CHRNB1: variants seen among roughly 807,000 people sequenced by gnomAD.
CHRNB1 encodes the protein acetylcholine receptor subunit beta.
In CHRNB1, 47 loss-of-function variants were observed where a neutral mutation model predicts 53.8. The ratio of observed to expected loss-of-function variants is 0.87; its 90% CI spans 0.69 to 1.11. The LOEUF is 1.11. Among genes scored for constraint, CHRNB1 ranks in the 50% most tolerant of loss-of-function variants. CHRNB1 has a pLI of 0.00. For missense variants in CHRNB1, 605 were observed against 654.9 expected (o/e 0.92, Z 0.83); for synonymous variants, 259 against 263.5 (o/e 0.98, Z 0.16).
At chr17:7,446,509 A>G in intron 3 of CHRNB1, 2 of 522,190 alleles carry the variant, frequency 3.8e-6, no homozygotes, top group Non-Finnish European at 6.9e-6. Flanking sequence ...AATTTTTGAA[A>G]CACTGGTTTG....
At chr17:7,454,184 G>C (rs1263380727) in intron 7 of CHRNB1, 113 bp from the exon 8 acceptor site, 2 of 925,766 alleles carry the variant, frequency 2.2e-6, no homozygotes, top group Non-Finnish European at 3.5e-6. Flanking sequence ...GAACCACTGT[G>C]CCTGGCTGTA....
rs1255934538 is a variant in CHRNB1 at position 7,457,112 on chromosome 17, G to GT, written c.*392dup. ...GCGGGCGGATCACCTGAGGTCGGGA[G>GT]TTTGAGACCAGCCCGACCAACATGG... is the stretch of plus-strand genomic sequence containing the variant. On this transcript the variant is annotated 3_prime_UTR_variant, in exon 11 of 11. Coordinates refer to ENST00000306071, the MANE Select transcript of CHRNB1 (RefSeq NM_000747.3). 4.0e-6 allele frequency: 1 copy of GT among 248,180 alleles called. No individual in the cohort carries two copies. Among genetic ancestry groups the GT allele is most frequent in the Non-Finnish European group, 8.1e-6 (1 of 123,394 alleles). The allele number at this position is 248,180 out of a possible 1,614,324, so 15.4% of individuals were successfully genotyped here.
chr17:7,454,530 A>T lies in CHRNB1; in HGVS notation c.1044+10A>T. ...CCTTTGGGTCCGTCAGGTAAGAAAG[A>T]TCTCCTCCTCCAACCCCAATTTTCC... is the stretch of plus-strand genomic sequence containing the variant. On this transcript the variant is annotated intron_variant, in intron 8 of 10. Coordinates refer to ENST00000306071, the MANE Select transcript of CHRNB1 (RefSeq NM_000747.3). 6.2e-7 allele frequency: 1 copy of T among 1,610,954 alleles called. No individual in the cohort carries two copies.
chr17:7,445,651 G>T lies in CHRNB1; in HGVS notation c.198+242G>T. On this transcript the variant is annotated intron_variant, in intron 2 of 10. Coordinates refer to ENST00000306071, the MANE Select transcript of CHRNB1 (RefSeq NM_000747.3). This position sits in a 1 kb window ranked among gnomAD's most constrained non-coding sequence, Gnocchi z 5.7. ...GACGGACCTGTGATCGGACCTTAAA[G>T]TGGGGCTGGGGACGAGGCAGGGGCT... 7.1e-7 allele frequency: 1 copy of T among 1,408,094 alleles called. No individual in the cohort carries two copies. 87.2% of individuals were successfully genotyped at this position (1,408,094 alleles called of 1,614,324 possible). A position where few individuals can be genotyped will look rare whatever the true frequency, so the allele number is the denominator to read the frequency against.
intron 10 of CHRNB1, 128 bp from the exon 11 acceptor site, chr17:7,456,455 T>C: frequency 8.3e-7 from 1 of 1,200,200 alleles, no homozygotes; most frequent in African/African-American, 1.5e-5. Context: ...CGCTCTCCTG[T>C]TGGCGCTGCC....
rs778554684 is a variant in CHRNB1 at position 7,455,749 on chromosome 17, C to A, written c.1218-45C>A. ...TGGAGCGGGGCCTGGGTCGCCGGCA[C>A]TGGCTGTCTTTGCGTTTGGGCGTGG... On this transcript the variant is annotated intron_variant, in intron 9 of 10. Coordinates refer to ENST00000306071, the MANE Select transcript of CHRNB1 (RefSeq NM_000747.3). 4 of 1,613,946 alleles carry A rather than the reference C, an allele frequency of 2.5e-6. No homozygotes were observed. The Admixed American group carries it at 6.7e-5, about 27-fold the overall frequency.
chr17:7,455,994 C>T, intron 10 of CHRNB1, 53 bp downstream of exon 10: 1 of 1,566,224 alleles, frequency 6.4e-7, no homozygotes, highest in East Asian at 2.3e-5. Context: ...TTGGCCCCAC[C>T]CCCAAATTCC....
chr17:7,450,179 C>T (rs1339206859), intron 7 of CHRNB1, among the ~76,000 whole-genome samples: 2 of 150,670 alleles, frequency 1.3e-5, no homozygotes, highest in Admixed American at 6.6e-5. Flanking sequence ...AGTTTTGCCC[C>T]GTTGCCCAGG....
rs1323863057 is a variant in CHRNB1, at chr17:7,455,785, C to T, written c.1218-9C>T. 6.2e-7 allele frequency: 1 copy of T among 1,614,214 alleles called. No individual in the cohort carries two copies. ...TGCGTTTGGGCGTGGCCAGTCACTC[C>T]TCTTCCAGGTTCCAGCCTGAACTGT... On this transcript the variant is annotated splice_polypyrimidine_tract_variant and intron_variant, in intron 9 of 10. Transcript: ENST00000306071.
At chr17:7,446,298 C>T (rs1908608167) in intron 3 of CHRNB1, 185 bp downstream of exon 3, 3 of 549,116 alleles carry the variant, frequency 5.5e-6, no homozygotes, top group Admixed American at 2.6e-5. Flanking sequence ...TTTTTAATTC[C>T]AATTTTGTGT....
chr17:7,445,526 T>A lies in CHRNB1; in HGVS notation c.198+117T>A. 1 of 1,531,502 alleles carries A rather than the reference T, an allele frequency of 6.5e-7. No homozygotes were observed. The highest frequency in any genetic ancestry group is 8.7e-7 in the Non-Finnish European group (1 of 1,143,306). The allele number at this position is 1,531,502 out of a possible 1,614,324, so 94.9% of individuals were successfully genotyped here. A position where few individuals can be genotyped will look rare whatever the true frequency, so the allele number is the denominator to read the frequency against. On this transcript the variant is annotated intron_variant, in intron 2 of 10. Coordinates refer to ENST00000306071, the MANE Select transcript of CHRNB1 (RefSeq NM_000747.3). The surrounding 1 kb of genome is among the most constrained non-coding windows in gnomAD (Gnocchi z 5.7). ...GGCCTGGGACGAGACCAGGCTGAGA[T>A]GGACCAGCCTTTGGTGAAGATTGGA...
intron 10 of CHRNB1, 108 bp downstream of exon 10, chr17:7,456,049 CTTTTTTTTTTTTT>C (rs528936191): frequency 0.012 from 5,933 of 514,302 alleles, 6 homozygotes; most frequent in Non-Finnish European, 0.015. Flanking sequence ...TTTTTTTTGG[CTTTTTTTTTTTTT>C]TTTTTTTTTT....
At chr17:7,449,528 C>T (rs929094710) in intron 7 of CHRNB1, among the ~76,000 whole-genome samples, 1 of 151,432 alleles carries the variant, frequency 6.6e-6, no homozygotes, top group African/African-American at 2.4e-5. Flanking sequence ...CCACCTCAGC[C>T]TCCTGTGTAA....
chr17:7,451,052 A>T (rs1352564624), intron 7 of CHRNB1, among the ~76,000 whole-genome samples: 1 of 152,100 alleles, frequency 6.6e-6, no homozygotes, highest in African/African-American at 2.4e-5. Flanking sequence ...AAGCAGTAGG[A>T]GATGAAGTCA....
At position 7,454,435 on chromosome 17, in the gene CHRNB1, C is replaced by T. The variant is rs761535567; in HGVS notation, c.959C>T (p.Thr320Ile). 3 of 1,614,110 alleles carry T rather than the reference C, an allele frequency of 1.9e-6. No homozygotes were observed. Among genetic ancestry groups the T allele is most frequent in the South Asian group, 2.2e-5 (2 of 91,084 alleles). Reference sequence around the variant, plus strand: ...CTCATGTTTACCATGGTCCTCGTCACCTTCTCAGTCATCCTTAGTGTCGTG... The same window carrying T: ...CTCATGTTTACCATGGTCCTCGTCATCTTCTCAGTCATCCTTAGTGTCGTG... ...KYLMFTMVLV[T>I]FSVILSVVVL... The change falls in exon 8 of 11, where the codon ACC becomes ATC. Residue 320 changes from threonine to isoleucine, a missense_variant. Coordinates refer to ENST00000306071, the MANE Select transcript of CHRNB1 (RefSeq NM_000747.3).
chr17:7,457,012 T>G lies in CHRNB1; in HGVS notation c.*289T>G. 1 of 426,718 alleles carries G rather than the reference T, an allele frequency of 2.3e-6. No individual in the cohort carries two copies. Among genetic ancestry groups the G allele is most frequent in the Admixed American group, 3.6e-5 (1 of 27,574 alleles). 26.4% of individuals were successfully genotyped at this position (426,718 alleles called of 1,614,324 possible). ...CAGAACAGGAACTAGATTATAAGCC[T>G]TATGAGGTCAAGAAATGTGACTTGG... On this transcript the variant is annotated 3_prime_UTR_variant, in exon 11 of 11. Transcript: ENST00000306071.
rs1457661521 is a variant in CHRNB1 at position 7,455,184 on chromosome 17, TCA to T, written c.1045-98_1045-97del. The T allele has an allele frequency of 5.7e-5, 74 of 1,309,098 alleles. 2 individuals carry two copies. Among genetic ancestry groups the T allele is most frequent in the Non-Finnish European group, 1.5e-5 (14 of 905,246 alleles). 81.1% of individuals were successfully genotyped at this position (1,309,098 alleles called of 1,614,324 possible). ...TGTGGAAGAATATGCACGCACATAC[TCA>T]CGCGCGGGAATGGGCATGTGGAGTG... On this transcript the variant is annotated intron_variant, in intron 8 of 10. Transcript: ENST00000306071.
chr17:7,455,511 G>T, intron 9 of CHRNB1, 55 bp downstream of exon 9: 1 of 1,605,114 alleles, frequency 6.2e-7, no homozygotes, highest in Non-Finnish European at 8.5e-7. Flanking sequence ...ACAGTTCCCA[G>T]AAGAGTGTGC....
At chr17:7,451,988 G>A (rs1908905129) in intron 7 of CHRNB1, among the ~76,000 whole-genome samples, 1 of 152,174 alleles carries the variant, frequency 6.6e-6, no homozygotes. Context: ...ATGCAGGAGA[G>A]GGGGAGCCAC....
Sources: gnomAD v4.1 joint callset for allele counts (sites outside exome capture counted in the v4.1 genomes callset) on GRCh38, gnomAD v4.1.1 for gene constraint, Gnocchi (gnomAD v3.1) non-coding constraint, MANE v1.5 for transcripts, NCBI Gene and HGNC (gene_info 2026-07-23, HGNC 2026-07-21) for gene names.